The following FTSJ3 variants were observed in gnomAD, a reference collection of about 807,000 sequenced individuals.
The protein encoded by FTSJ3 is FtsJ RNA 2'-O-methyltransferase 3, also known as pre-rRNA 2'-O-ribose RNA methyltransferase FTSJ3.
Under a neutral mutation model 111.5 loss-of-function variants are expected in FTSJ3, and 46 were observed. The observed-to-expected ratio is 0.41, with a 90% CI of 0.33 to 0.53. FTSJ3 has a LOEUF of 0.53. FTSJ3 is among the 20% of genes least tolerant of loss of function. FTSJ3 has a pLI of 0.19. For missense variants in FTSJ3, 1,075 were observed against 1,063.8 expected (o/e 1.01, Z -0.15); for synonymous variants, 408 against 383.0 (o/e 1.07, Z -0.76).
chr17:63,821,794 TCTCCTCCTC>T lies in FTSJ3; in HGVS notation c.1516_1524del (p.Glu506_Glu508del), dbSNP rs751549614. 1.9e-6 allele frequency: 3 copies of T among 1,613,890 alleles called. No individual in the cohort carries two copies. The highest frequency in any genetic ancestry group is 2.2e-5 in the South Asian group (2 of 91,066). The stretch of plus-strand genomic sequence containing the variant: ...TCCTCCAGTGGTACCAGCAGTGGAT[TCTCCTCCTC>T]CTCCTCCTCTTTATCATCTTGCACT... On this transcript the variant is annotated inframe_deletion, in exon 15 of 21. Transcript: ENST00000427159.
At chr17:63,822,801 T>TC (rs1399764559) in intron 13 of FTSJ3, among the ~76,000 whole-genome samples, 1 of 151,678 alleles carries the variant, frequency 6.6e-6, no homozygotes, top group African/African-American at 2.4e-5. Flanking sequence ...AAGGAAAAAC[T>TC]CCAACTACTA....
intron 13 of FTSJ3, 113 bp downstream of exon 13, chr17:63,823,704 A>G: frequency 8.2e-7 from 1 of 1,215,890 alleles, no homozygotes; most frequent in Non-Finnish European, 1.2e-6. Flanking sequence ...TGGTGAAGAC[A>G]GCAACCACAG....
At chr17:63,820,527 T>C in intron 18 of FTSJ3, 89 bp from the exon 19 acceptor site, 1 of 1,341,712 alleles carries the variant, frequency 7.5e-7, no homozygotes, top group East Asian at 2.3e-5. Context: ...ACGCCTGTAA[T>C]CCCTGCACTT....
rs2040053734 is a variant in FTSJ3 at position 63,821,714 on chromosome 17, T to C, written c.1596+9A>G. The C allele has an allele frequency of 6.2e-7, 1 of 1,614,186 alleles. No individual in the cohort carries two copies. Among genetic ancestry groups the C allele is most frequent in the Non-Finnish European group, 8.5e-7 (1 of 1,180,032 alleles). ...TCTCCCCGCAGTCTTGCCCCCGGCC[T>C]CTCCTTACCTTTGAGAACCACAGGT... On this transcript the variant is annotated intron_variant, in intron 15 of 20. Transcript: ENST00000427159.
At chr17:63,821,880 C>T in intron 14 of FTSJ3, 37 bp from the exon 15 acceptor site, 1 of 1,613,950 alleles carries the variant, frequency 6.2e-7, no homozygotes, top group Non-Finnish European at 8.5e-7. Context: ...CTCAGAGACC[C>T]AGATTGCCTG....
At chr17:63,826,233 C>T in intron 4 of FTSJ3, 25 bp downstream of exon 4, 2 of 1,613,608 alleles carry the variant, frequency 1.2e-6, no homozygotes, top group Non-Finnish European at 1.7e-6. Flanking sequence ...CCTTAAAACA[C>T]CAAGGAGAGC....
intron 5 of FTSJ3, 194 bp from the exon 6 acceptor site, chr17:63,825,829 G>A: frequency 4.8e-6 from 3 of 631,050 alleles, no homozygotes; most frequent in Non-Finnish European, 8.3e-6. Flanking sequence ...ATTCACAGGA[G>A]AAGACTTCAC....
In FTSJ3 at chr17:63,824,676, C is replaced by G; in HGVS notation, c.878G>C (p.Cys293Ser). 1 of 1,614,172 alleles carries G rather than the reference C, an allele frequency of 6.2e-7. No homozygotes were observed. Among genetic ancestry groups the G allele is most frequent in the Non-Finnish European group, 8.5e-7 (1 of 1,179,992 alleles). ...CCCCAACACTCTGATGTCCTGACAG[C>G]ACACCCGTATGTCCTCAGTGGTAGC... is the stretch of plus-strand genomic sequence containing the variant. The part of the protein sequence containing the change: ...HPATTEDIRV[C>S]CQDIRVLGRK... Residue 293 changes from cysteine to serine, a missense_variant, in exon 10 of 21, where the codon TGC (cysteine) becomes TCC (serine). Cys to Ser is a moderately radical substitution (Grantham distance 112). Around this residue, in one of 2 missense-constraint regions of FTSJ3, gnomAD observed 867 missense variants for 796.9 expected, o/e 1.09. Transcript: ENST00000427159.
chr17:63,820,757 G>C, intron 18 of FTSJ3, 82 bp downstream of exon 18: 2 of 965,688 alleles, frequency 2.1e-6, no homozygotes, highest in South Asian at 2.7e-5. Flanking sequence ...GCAACAGAGC[G>C]AGACTCCATC....
rs560688683 is a variant in FTSJ3, at chr17:63,822,213, T to C, written c.1291-45A>G. 405 of 1,554,978 alleles carry C rather than the reference T, an allele frequency of 2.6e-4. 3 individuals are homozygous for C. The South Asian group carries it at 3.6e-3, about 14-fold the overall frequency. On this transcript the variant is annotated intron_variant, in intron 13 of 20. Coordinates refer to ENST00000427159, the MANE Select transcript of FTSJ3 (RefSeq NM_017647.4). ...AAGGTAAACTATTTAAAAGGAAATATACTGTTTTTTTTTCTGTGTCCCTCA... is the reference window on the plus strand; with the variant it reads ...AAGGTAAACTATTTAAAAGGAAATACACTGTTTTTTTTTCTGTGTCCCTCA...
At chr17:63,822,567 CA>C (rs1435727461) in intron 13 of FTSJ3, among the ~76,000 whole-genome samples, 13 of 152,226 alleles carry the variant, frequency 8.5e-5, no homozygotes, top group Admixed American at 2.6e-4. Flanking sequence ...GGGGCCCAGC[CA>C]ACATACATCC....
chr17:63,824,194 TG>T lies in FTSJ3; in HGVS notation c.1043del (p.Thr348LysfsTer21). ...TAGAGGGCTGCTTTGTGGTTCCAGC[TG>T]TTGAGTCCTCCTCATCACCTTCATC... ...EEDEGDEEDSTAGTTKQPSKE... is the reference protein window; with the variant it reads ...EEDEGDEEDSXAGTTKQPSKE... On this transcript the variant is annotated frameshift_variant, in exon 12 of 21. Transcript: ENST00000427159. LOFTEE classifies it high-confidence loss of function. The T allele has an allele frequency of 6.2e-7, 1 of 1,614,194 alleles. No homozygotes were observed. Among genetic ancestry groups the T allele is most frequent in the Non-Finnish European group, 8.5e-7 (1 of 1,180,026 alleles).
intron 10 of FTSJ3, 44 bp from the exon 11 acceptor site, chr17:63,824,455 G>T: frequency 6.3e-7 from 1 of 1,598,324 alleles, no homozygotes; most frequent in Non-Finnish European, 8.6e-7. Flanking sequence ...CTCCCTCTTT[G>T]TCCCCGCCCC....
chr17:63,825,193 T>A, intron 7 of FTSJ3, 30 bp from the exon 8 acceptor site: 1 of 1,613,810 alleles, frequency 6.2e-7, no homozygotes, highest in African/African-American at 1.3e-5. Flanking sequence ...TTAAAAAGTG[T>A]GCTTTGGGAG....
chr17:63,823,696 G>A (rs2040070855), intron 13 of FTSJ3, 121 bp downstream of exon 13: 1 of 1,126,872 alleles, frequency 8.9e-7, no homozygotes, highest in Non-Finnish European at 1.3e-6. Flanking sequence ...GCACCCTGTG[G>A]TGAAGACAGC....
In FTSJ3 at chr17:63,827,134, G is replaced by A; in HGVS notation, c.-109C>T. 2 of 607,948 alleles carry A rather than the reference G, an allele frequency of 3.3e-6. No individual in the cohort carries two copies. The highest frequency in any genetic ancestry group is 5.8e-6 in the Non-Finnish European group (2 of 343,482). The allele number at this position is 607,948 out of a possible 1,614,324, so 37.7% of individuals were successfully genotyped here. On this transcript the variant is annotated 5_prime_UTR_variant, in exon 1 of 21. In the 5' UTR this introduces an upstream ATG that the reference lacks. Transcript: ENST00000427159. ...TTCCGCTTCCGCTTGCGTCCCCTGC[G>A]TCCCTGGCTCGAGGTTTTCCGCCAT...
Position 63,820,442 on chromosome 17 carries a change from A to G in FTSJ3, c.2073-4T>C, listed in dbSNP as rs1376992116. 1.2e-6 allele frequency: 2 copies of G among 1,613,704 alleles called. No homozygotes were observed. Among genetic ancestry groups the G allele is most frequent in the East Asian group, 2.2e-5 (1 of 44,864 alleles). On this transcript the variant is annotated splice_region_variant and splice_polypyrimidine_tract_variant and intron_variant, in intron 18 of 20. Coordinates refer to ENST00000427159, the MANE Select transcript of FTSJ3 (RefSeq NM_017647.4). ...CTCATCCTCATTAAATGTGTACCTGAGTGGAAAGGACATCTGTCTAATATC... is the reference window on the plus strand; with the variant it reads ...CTCATCCTCATTAAATGTGTACCTGGGTGGAAAGGACATCTGTCTAATATC...
chr17:63,822,216 T>C (rs762861060), intron 13 of FTSJ3, 48 bp from the exon 14 acceptor site: 3 of 1,538,694 alleles, frequency 1.9e-6, no homozygotes, highest in South Asian at 2.4e-5. Flanking sequence ...GGAAATATAC[T>C]GTTTTTTTTT....
rs1567751138 is a variant in FTSJ3, at chr17:63,820,422, C to T, written c.2089G>A (p.Asp697Asn). ...AACCACTCCGGAAGCTCCCCCTCAT[C>T]CTCATTAAATGTGTACCTGAGTGGA... ...NSFNRYTFNE[D>N]EGELPEWFVQ... Residue 697 changes from aspartate (D) to asparagine (N), a missense_variant, in exon 19 of 21, where the codon GAT becomes AAT. By Grantham distance (23) the Asp-to-Asn change is conservative. Around this residue, in one of 2 missense-constraint regions of FTSJ3, gnomAD observed 867 missense variants for 796.9 expected, o/e 1.09. Coordinates refer to ENST00000427159, the MANE Select transcript of FTSJ3 (RefSeq NM_017647.4). The T allele has an allele frequency of 5.6e-6, 9 of 1,614,118 alleles. No homozygotes were observed. Among genetic ancestry groups the T allele is most frequent in the East Asian group, 4.5e-5 (2 of 44,878 alleles).
Sources: gnomAD v4.1 joint callset for allele counts (sites outside exome capture counted in the v4.1 genomes callset) on GRCh38, gnomAD v4.1.1 for gene constraint, gnomAD v4.1.1 regional missense constraint, MANE v1.5 for transcripts, NCBI Gene and HGNC (gene_info 2026-07-23, HGNC 2026-07-21) for gene names.